The following SLC16A10 variants were observed in gnomAD, a reference collection of about 807,000 sequenced individuals.
SLC16A10 encodes the protein monocarboxylate transporter 10.
A neutral mutation model predicts 40.0 loss-of-function variants in SLC16A10; 27 were observed. The ratio of observed to expected loss-of-function variants is 0.67; its 90% CI spans 0.50 to 0.93. The LOEUF is 0.93. SLC16A10 is among the 40% of genes least tolerant of loss of function. The pLI is 0.00. For synonymous variants in SLC16A10, 213 were observed against 249.8 expected (o/e 0.85, Z 1.39); for missense variants, 529 against 658.2 (o/e 0.80, Z 2.15).
intron 4 of SLC16A10, among the ~76,000 whole-genome samples, chr6:111,209,864 T>C (rs1773318330): frequency 6.6e-6 from 1 of 152,126 alleles, no homozygotes; most frequent in Non-Finnish European, 1.5e-5. Flanking sequence ...AGAAAATTGA[T>C]CATGATCATT....
At chr6:111,138,210 G>A (rs1771916789) in intron 1 of SLC16A10, among the ~76,000 whole-genome samples, 1 of 152,228 alleles carries the variant, frequency 6.6e-6, no homozygotes, top group South Asian at 2.1e-4. Context: ...GAAAACTTGA[G>A]GAATTCAGAA....
intron 1 of SLC16A10, among the ~76,000 whole-genome samples, chr6:111,120,787 G>A (rs940312469): frequency 2.6e-5 from 4 of 152,118 alleles, no homozygotes; most frequent in Non-Finnish European, 5.9e-5. Context: ...GGGTTGTCTC[G>A]ATGTCCCAAT....
chr6:111,149,606 A>G (rs1358361766), intron 1 of SLC16A10, among the ~76,000 whole-genome samples: 1 of 152,256 alleles, frequency 6.6e-6, no homozygotes, highest in Non-Finnish European at 1.5e-5. Flanking sequence ...CTTATAATAA[A>G]GAGTAGCATT....
chr6:111,102,936 C>G (rs1771214741), intron 1 of SLC16A10, among the ~76,000 whole-genome samples: 1 of 152,196 alleles, frequency 6.6e-6, no homozygotes, highest in South Asian at 2.1e-4. Context: ...GGGTCTCGCT[C>G]TGTCACCCAT....
At chr6:111,169,579 C>A (rs1243454294) in intron 1 of SLC16A10, among the ~76,000 whole-genome samples, 1 of 152,238 alleles carries the variant, frequency 6.6e-6, no homozygotes, top group African/African-American at 2.4e-5. Context: ...CAGCTGATTT[C>A]AATCCCTTCC....
intron 1 of SLC16A10, among the ~76,000 whole-genome samples, chr6:111,144,988 C>A (rs1490225960): frequency 6.6e-6 from 1 of 152,112 alleles, no homozygotes; most frequent in Non-Finnish European, 1.5e-5. Flanking sequence ...TGCCACCACA[C>A]CCATATAATT....
chr6:111,206,785 G>A (rs402940), intron 4 of SLC16A10, 50 bp downstream of exon 4: 1,318,408 of 1,584,414 alleles, frequency 0.83, 551,842 homozygotes, highest in Non-Finnish European at 0.86. Context: ...CTCATCACCC[G>A]ATGTCTCATT....
At chr6:111,221,920 G>C (rs1770908893) in intron 5 of SLC16A10, 83 bp from the exon 6 acceptor site, 14 of 1,222,080 alleles carry the variant, frequency 1.1e-5, no homozygotes, top group Non-Finnish European at 1.5e-5. Context: ...TGTCTGAGAT[G>C]TCTGAATCAG....
At chr6:111,147,752 G>A (rs904752770) in intron 1 of SLC16A10, among the ~76,000 whole-genome samples, 5 of 152,168 alleles carry the variant, frequency 3.3e-5, no homozygotes, top group Non-Finnish European at 7.3e-5. Context: ...TAACTTTATG[G>A]CAGTTAGGTG....
rs180743476 is a variant in SLC16A10, at chr6:111,183,756, T to C, written c.942+6091T>C. Among the ~76,000 whole-genome samples the C allele has an allele frequency of 2.3e-4, 35 of 152,362 alleles. No homozygotes were observed. In the East Asian group the frequency reaches 4.0e-3, roughly 18 times the overall value. On this transcript the variant is annotated intron_variant, in intron 3 of 5. Transcript: ENST00000368851. ...TTGGTGTGTTTTGCTCTGATTCACT[T>C]ATGCCTTTGCTGAAATTTTAAGATA... is the stretch of plus-strand genomic sequence containing the variant.
chr6:111,103,741 T>C (rs551879001), intron 1 of SLC16A10, among the ~76,000 whole-genome samples: 3 of 152,268 alleles, frequency 2.0e-5, no homozygotes, highest in African/African-American at 7.2e-5. Context: ...CTTCAGTTTT[T>C]GAGTTAGGTG....
chr6:111,167,875 T>C (rs1772507095), intron 1 of SLC16A10, among the ~76,000 whole-genome samples: 1 of 151,944 alleles, frequency 6.6e-6, no homozygotes, highest in Admixed American at 6.6e-5. Flanking sequence ...GGGTCTTGCT[T>C]TGTTGCCCAG....
intron 1 of SLC16A10, among the ~76,000 whole-genome samples, chr6:111,159,067 CAAAAAA>C (rs548809670): frequency 1.7e-4 from 4 of 23,394 alleles, no homozygotes; most frequent in African/African-American, 6.0e-4. Context: ...GACCCTGACT[CAAAAAA>C]AAAAAAAAAA....
intron 3 of SLC16A10, among the ~76,000 whole-genome samples, chr6:111,202,884 C>CAAA (rs567667458): frequency 3.5e-5 from 3 of 86,318 alleles, no homozygotes; most frequent in African/African-American, 1.4e-4. Context: ...GAGACTCCAT[C>CAAA]AAAAAAAAAA....
At position 111,136,506 on chromosome 6, in the gene SLC16A10, G is replaced by A. The variant is rs181445335; in HGVS notation, c.344-36189G>A. Among the ~76,000 whole-genome samples, 325 of 152,332 alleles carry A rather than the reference G, an allele frequency of 2.1e-3. 3 individuals carry two copies. The highest frequency in any genetic ancestry group is 0.012 in the South Asian group (60 of 4,822). ...GAAGACTGGTGGCTGTCAGACAACT[G>A]TTTGCTTAAATATCAGGCTCTATTA... is the stretch of plus-strand genomic sequence containing the variant. On this transcript the variant is annotated intron_variant, in intron 1 of 5. Transcript: ENST00000368851.
intron 4 of SLC16A10, among the ~76,000 whole-genome samples, chr6:111,212,572 C>A (rs1470723976): frequency 6.6e-6 from 1 of 152,060 alleles, no homozygotes; most frequent in African/African-American, 2.4e-5. Context: ...GCAGAAGGAT[C>A]CCTTGACCCC....
intron 3 of SLC16A10, among the ~76,000 whole-genome samples, chr6:111,188,170 A>G (rs914060494): frequency 6.6e-6 from 1 of 152,186 alleles, no homozygotes; most frequent in Non-Finnish European, 1.5e-5. Context: ...ACCAATTAAA[A>G]TAGAAAGGCT....
rs1199840661 is a variant in SLC16A10, at chr6:111,087,613, A to G, written c.-140A>G. 1 of 384,396 alleles carries G rather than the reference A, an allele frequency of 2.6e-6. No individual in the cohort carries two copies. Among genetic ancestry groups the G allele is most frequent in the South Asian group, 1.3e-4 (1 of 7,822 alleles). 23.8% of individuals were successfully genotyped at this position (384,396 alleles called of 1,614,324 possible). ...GCGCGCTGGCCGCCTGCGCGCTGCC[A>G]GCCCGCCCGCCCGCCAGGGGCTCCG... On this transcript the variant is annotated 5_prime_UTR_variant, in exon 1 of 6. Coordinates refer to ENST00000368851, the MANE Select transcript of SLC16A10 (RefSeq NM_018593.5).
At chr6:111,092,211 A>G (rs1770987915) in intron 1 of SLC16A10, among the ~76,000 whole-genome samples, 1 of 151,806 alleles carries the variant, frequency 6.6e-6, no homozygotes, top group African/African-American at 2.4e-5. Context: ...TCACAGTCCC[A>G]TTATGGTGCC....
Sources: allele counts gnomAD v4.1 joint callset (sites outside exome capture counted in the v4.1 genomes callset), GRCh38; gene constraint gnomAD v4.1.1; transcripts MANE v1.5; gene names NCBI Gene and HGNC (gene_info 2026-07-23, HGNC 2026-07-21).